CNTNAP3B: variants seen among roughly 807,000 people sequenced by gnomAD.
CNTNAP3B encodes contactin-associated protein-like 3B.
A neutral mutation model predicts 108.9 loss-of-function variants in CNTNAP3B; 25 were observed. The observed-to-expected ratio is 0.23, with a 90% CI of 0.17 to 0.32. CNTNAP3B has a LOEUF of 0.32. Ranked by LOEUF, CNTNAP3B falls within the 10% of genes least tolerant of loss-of-function variation. The pLI is 1.00. For synonymous variants in CNTNAP3B, 103 were observed against 473.4 expected (o/e 0.22, Z 10.16); for missense variants, 252 against 1,210.4 (o/e 0.21, Z 11.75).
rs766552452 is a variant in CNTNAP3B, at chr9:41,953,431, G to A, written c.1877-45C>T. The A allele has an allele frequency of 1.9e-5, 29 of 1,503,776 alleles. No individual in the cohort carries two copies. In the African/African-American group the frequency reaches 2.6e-4, roughly 14 times the overall value. 93.2% of individuals were successfully genotyped at this position (1,503,776 alleles called of 1,614,324 possible). A position where few individuals can be genotyped will look rare whatever the true frequency, so the allele number is the denominator to read the frequency against. Reference sequence around the variant, plus strand: ...GGAGAGGCATCACTGGGCGGCAGACGCCAGCAGCAAGAGGCAAAGCAGACC... The same window carrying A: ...GGAGAGGCATCACTGGGCGGCAGACACCAGCAGCAAGAGGCAAAGCAGACC... On this transcript the variant is annotated intron_variant, in intron 12 of 23. Coordinates refer to ENST00000377561, the MANE Select transcript of CNTNAP3B (RefSeq NM_001201380.3).
chr9:42,078,514 A>AAGCAAATGT (rs1313737274), intron 2 of CNTNAP3B, among the ~76,000 whole-genome samples: 2 of 138,884 alleles, frequency 1.4e-5, no homozygotes, highest in East Asian at 2.1e-4. Context: ...TTTGCTTTTT[A>AAGCAAATGT]TTGTTCTATG....
rs1349190409 is a variant in CNTNAP3B, at chr9:42,122,257, T to A, written c.85+6753A>T. Among the ~76,000 whole-genome samples the A allele has an allele frequency of 1.4e-5, 2 of 140,174 alleles. 1 individual carries two copies. The highest frequency in any genetic ancestry group is 5.6e-5 in the African/African-American group (2 of 35,604). 92.0% of individuals were successfully genotyped at this position (140,174 alleles called of 152,430 possible). ...TCTCAAAATCTATGTGATATTTTAC[T>A]AGCTTAGTTTTATTATAATTTTAAA... On this transcript the variant is annotated intron_variant, in intron 1 of 23. Coordinates refer to ENST00000377561, the MANE Select transcript of CNTNAP3B (RefSeq NM_001201380.3).
At chr9:41,968,920 C>T (rs1288599489) in intron 10 of CNTNAP3B, among the ~76,000 whole-genome samples, 1 of 152,134 alleles carries the variant, frequency 6.6e-6, no homozygotes, top group African/African-American at 2.4e-5. Context: ...CCTCAGCCTG[C>T]CGAGTAGCTG....
intron 14 of CNTNAP3B, among the ~76,000 whole-genome samples, chr9:41,933,453 TAATTC>T (rs1824042287): frequency 6.8e-6 from 1 of 146,676 alleles, no homozygotes; most frequent in Non-Finnish European, 1.5e-5. Flanking sequence ...TGGCTGTCCT[TAATTC>T]TCTTGAATAA....
intron 3 of CNTNAP3B, among the ~76,000 whole-genome samples, chr9:42,030,785 A>AGAGAGAGAGAGAGAGAGAGAGAGAGG (rs1564177840): frequency 2.3e-5 from 1 of 42,820 alleles, no homozygotes. Flanking sequence ...AGAGAGAGAG[A>AGAGAGAGAGAGAGAGAGAGAGAGAGG]TGTGTGCGAG....
chr9:41,945,514 G>A (rs1329015385), intron 13 of CNTNAP3B, among the ~76,000 whole-genome samples: 13,369 of 138,016 alleles, frequency 0.097, 2 homozygotes, highest in Middle Eastern at 0.15. Flanking sequence ...ACTATCGCAA[G>A]GACAAAAAAC....
chr9:42,055,496 A>G (rs1827049822), intron 3 of CNTNAP3B, among the ~76,000 whole-genome samples: 1 of 143,966 alleles, frequency 6.9e-6, no homozygotes, highest in Non-Finnish European at 1.5e-5. Flanking sequence ...TTACCATTAT[A>G]TTCATAAAAT....
intron 1 of CNTNAP3B, among the ~76,000 whole-genome samples, chr9:42,124,232 T>C (rs1227059338): frequency 1.5e-5 from 2 of 132,796 alleles, no homozygotes; most frequent in Non-Finnish European, 3.2e-5. Context: ...CTGGAACACA[T>C]GCAGTATCAT....
At chr9:42,118,375 C>A (rs558095468) in intron 1 of CNTNAP3B, among the ~76,000 whole-genome samples, 1 of 139,426 alleles carries the variant, frequency 7.2e-6, no homozygotes, top group South Asian at 2.3e-4. Context: ...GTTCAACATA[C>A]GAAAATCAAT....
chr9:42,094,916 A>T (rs1296134343), intron 2 of CNTNAP3B, among the ~76,000 whole-genome samples: 1 of 135,224 alleles, frequency 7.4e-6, no homozygotes, highest in Non-Finnish European at 1.6e-5. Flanking sequence ...TAATAATTGT[A>T]CATTTTTATG....
chr9:41,943,417 A>T (rs1824424241), intron 13 of CNTNAP3B, among the ~76,000 whole-genome samples: 1 of 149,768 alleles, frequency 6.7e-6, no homozygotes, highest in Non-Finnish European at 1.5e-5. Context: ...CAGTGGTGCA[A>T]TCTCGGCTCA....
intron 12 of CNTNAP3B, chr9:41,960,209 A>G: frequency 6.2e-6 from 1 of 162,544 alleles, no homozygotes; most frequent in South Asian, 1.6e-4. Flanking sequence ...CACGTTGGCC[A>G]GGATGGTCTC....
intron 1 of CNTNAP3B, among the ~76,000 whole-genome samples, chr9:42,110,344 A>G (rs1270689827): frequency 7.3e-6 from 1 of 137,018 alleles, no homozygotes; most frequent in Non-Finnish European, 1.6e-5. Flanking sequence ...TCACTGTGAA[A>G]GGAGCTAAGC....
Position 42,056,279 on chromosome 9 carries a change from T to A in CNTNAP3B, c.390+20590A>T, listed in dbSNP as rs1328752200. Among the ~76,000 whole-genome samples the A allele has an allele frequency of 2.1e-4, 29 of 137,100 alleles. No individual in the cohort carries two copies. The Admixed American group carries it at 2.1e-3, about 10-fold the overall frequency. The allele number at this position is 137,100 out of a possible 152,430, so 89.9% of individuals were successfully genotyped here. A position where few individuals can be genotyped will look rare whatever the true frequency, so the allele number is the denominator to read the frequency against. On this transcript the variant is annotated intron_variant, in intron 3 of 23. Coordinates refer to ENST00000377561, the MANE Select transcript of CNTNAP3B (RefSeq NM_001201380.3). The stretch of plus-strand genomic sequence containing the variant: ...AGTAGTACCTCACTGCTGTTTTAAT[T>A]TGCATTTCTTTAACTTATAAACAAG...
At chr9:42,075,862 T>TATTATC (rs1349079490) in intron 3 of CNTNAP3B, among the ~76,000 whole-genome samples, 1 of 110,566 alleles carries the variant, frequency 9.0e-6, no homozygotes, top group Non-Finnish European at 1.9e-5. Flanking sequence ...TTATTATTAT[T>TATTATC]ATTATTATTA....
intron 13 of CNTNAP3B, among the ~76,000 whole-genome samples, chr9:41,943,095 A>C (rs867146307): frequency 4.2e-4 from 64 of 152,382 alleles, no homozygotes; most frequent in African/African-American, 1.4e-3. Context: ...TATGTTGAAA[A>C]AGTGGGCAAC....
chr9:41,958,941 G>A (rs1239842762), intron 12 of CNTNAP3B, among the ~76,000 whole-genome samples: 1 of 139,734 alleles, frequency 7.2e-6, no homozygotes, highest in Non-Finnish European at 1.5e-5. Flanking sequence ...CTCTGTCTGG[G>A]TCTTCCTGGA....
At chr9:41,968,850 T>C (rs1331997426) in intron 10 of CNTNAP3B, among the ~76,000 whole-genome samples, 1 of 150,422 alleles carries the variant, frequency 6.6e-6, no homozygotes, top group Non-Finnish European at 1.5e-5. Flanking sequence ...CAGTCTGGAG[T>C]GCAGTGGCAC....
chr9:41,920,788 A>T (rs1823645852), intron 17 of CNTNAP3B, among the ~76,000 whole-genome samples: 1 of 152,310 alleles, frequency 6.6e-6, no homozygotes, highest in African/African-American at 2.4e-5. Flanking sequence ...TCTTACTTGG[A>T]TGGACTCTAA....
Sources: allele counts gnomAD v4.1 joint callset (sites outside exome capture counted in the v4.1 genomes callset), GRCh38; gene constraint gnomAD v4.1.1; transcripts MANE v1.5; gene names NCBI Gene and HGNC (gene_info 2026-07-23, HGNC 2026-07-21).